STAU2: variants seen among roughly 807,000 people sequenced by gnomAD.
STAU2 encodes the protein staufen double-stranded RNA binding protein 2, also known as double-stranded RNA-binding protein Staufen homolog 2.
A neutral mutation model predicts 65.9 loss-of-function variants in STAU2; 20 were observed. That is an observed-to-expected ratio of 0.30 (90% confidence interval 0.21 to 0.44). The LOEUF (loss-of-function observed/expected upper bound fraction) is 0.44, where lower values mean the gene tolerates loss of function less well. STAU2 is among the 20% of genes least tolerant of loss of function. The pLI, the probability that STAU2 is intolerant of heterozygous loss-of-function variation, is 1.00. For synonymous variants in STAU2, 232 were observed against 233.9 expected, an observed-to-expected ratio of 0.99 and a Z score of 0.07; for missense variants, 558 against 683.9, an observed-to-expected ratio of 0.82 and a Z score of 2.05.
intron 10 of STAU2, among the ~76,000 whole-genome samples, chr8:73,597,708 C>G (rs1348487081): frequency 7.3e-6 from 1 of 137,210 alleles, no homozygotes; most frequent in Non-Finnish European, 1.6e-5. Context: ...ATACTGAGAG[C>G]AATTTCATGC....
chr8:73,697,465 AAAG>A (rs1398173478), intron 4 of STAU2: 3 of 152,242 alleles, frequency 2.0e-5, no homozygotes, highest in Non-Finnish European at 4.4e-5. Context: ...GATATTAATG[AAAG>A]AAGAAATCAT....
At chr8:73,697,090 G>A (rs1302336578) in intron 4 of STAU2, among the ~76,000 whole-genome samples, 2 of 152,088 alleles carry the variant, frequency 1.3e-5, no homozygotes, top group Non-Finnish European at 2.9e-5. Context: ...GTCTCACTCT[G>A]TCACCCAGGC....
intron 13 of STAU2, among the ~76,000 whole-genome samples, chr8:73,534,523 G>T (rs1427950893): frequency 1.3e-5 from 2 of 152,054 alleles, no homozygotes; most frequent in African/African-American, 4.8e-5. Context: ...TATAACTAAT[G>T]AATTAATGTA....
chr8:73,712,870 T>C (rs890845595), intron 3 of STAU2, among the ~76,000 whole-genome samples: 22 of 152,342 alleles, frequency 1.4e-4, no homozygotes, highest in African/African-American at 4.1e-4. Flanking sequence ...ATAGAAGGAT[T>C]GCTTGAGCCC....
intron 11 of STAU2, among the ~76,000 whole-genome samples, chr8:73,585,184 C>T (rs938295754): frequency 1.3e-5 from 2 of 152,158 alleles, no homozygotes; most frequent in African/African-American, 4.8e-5. Context: ...TATGTTACCT[C>T]AATACTATAC....
intron 13 of STAU2, among the ~76,000 whole-genome samples, chr8:73,542,749 T>C (rs936370406): frequency 2.0e-5 from 3 of 152,106 alleles, no homozygotes; most frequent in Non-Finnish European, 4.4e-5. Flanking sequence ...AAATACAAAC[T>C]AAGATATCAA....
chr8:73,478,973 T>G (rs908774707), intron 13 of STAU2, among the ~76,000 whole-genome samples: 11 of 152,118 alleles, frequency 7.2e-5, no homozygotes, highest in African/African-American at 2.7e-4. Flanking sequence ...TTTCTTTTAT[T>G]AAAAATGTAT....
intron 13 of STAU2, chr8:73,441,573 A>G (rs1313523510): frequency 6.6e-6 from 1 of 152,118 alleles, no homozygotes; most frequent in Non-Finnish European, 1.5e-5. Flanking sequence ...AGAATTGTAG[A>G]CCCTCCATAG....
chr8:73,644,967 T>G (rs1018131858), intron 6 of STAU2, among the ~76,000 whole-genome samples: 1 of 152,096 alleles, frequency 6.6e-6, no homozygotes, highest in African/African-American at 2.4e-5. Context: ...AAAGAAAATC[T>G]CCAGTTGTGG....
At chr8:73,742,169 C>T (rs1806931013) in intron 1 of STAU2, 1 of 980,578 alleles carries the variant, frequency 1.0e-6, no homozygotes, top group South Asian at 4.7e-5. Flanking sequence ...ATATTTTAAA[C>T]AATTTGCTAA....
chr8:73,739,644 T>C lies in STAU2; in HGVS notation c.-84+112A>G. 4.2e-6 allele frequency: 4 copies of C among 953,966 alleles called. No homozygotes were observed. In the South Asian group the frequency reaches 7.8e-5, roughly 19 times the overall value. The allele number at this position is 953,966 out of a possible 1,614,324, so 59.1% of individuals were successfully genotyped here. A position where few individuals can be genotyped will look rare whatever the true frequency, so the allele number is the denominator to read the frequency against. ...GTGTCCTCAGCATCTGCATCAATTTTTATTTATTTTCTAATTACTGTCACA... is the reference window on the plus strand; with the variant it reads ...GTGTCCTCAGCATCTGCATCAATTTCTATTTATTTTCTAATTACTGTCACA... On this transcript the variant is annotated intron_variant, in intron 2 of 14. Coordinates refer to ENST00000524300, the MANE Select transcript of STAU2 (RefSeq NM_001164380.2).
At chr8:73,482,356 T>C (rs1820678186) in intron 13 of STAU2, among the ~76,000 whole-genome samples, 2 of 151,918 alleles carry the variant, frequency 1.3e-5, no homozygotes, top group African/African-American at 4.8e-5. Context: ...AAAAAAACTG[T>C]CTTTTTTTTA....
intron 13 of STAU2, among the ~76,000 whole-genome samples, chr8:73,512,807 T>C (rs60575035): frequency 0.022 from 3,407 of 152,338 alleles, 122 homozygotes; most frequent in African/African-American, 0.076. Flanking sequence ...AAATCTGTTA[T>C]TGAGTTACTC....
chr8:73,608,289 A>G (rs1025153991), intron 9 of STAU2, among the ~76,000 whole-genome samples: 28 of 152,062 alleles, frequency 1.8e-4, no homozygotes, highest in African/African-American at 5.8e-4. Context: ...GAAGGGATGG[A>G]AAAAAAGGAA....
chr8:73,482,776 A>G (rs535106929), intron 13 of STAU2, among the ~76,000 whole-genome samples: 3 of 152,216 alleles, frequency 2.0e-5, no homozygotes, highest in South Asian at 4.1e-4. Flanking sequence ...TAGTTTGTTA[A>G]TTGATTGAAA....
intron 1 of STAU2, among the ~76,000 whole-genome samples, chr8:73,742,640 C>T (rs1256251090): frequency 6.6e-6 from 1 of 151,844 alleles, no homozygotes; most frequent in Non-Finnish European, 1.5e-5. Flanking sequence ...ATCCATGCGT[C>T]CCAAAAATGC....
chr8:73,740,872 A>G (rs1214082837), intron 1 of STAU2, among the ~76,000 whole-genome samples: 1 of 152,022 alleles, frequency 6.6e-6, no homozygotes, highest in Admixed American at 6.6e-5. Context: ...ATAGTAACAC[A>G]TGCCTGTAAT....
At chr8:73,595,805 T>C (rs966847298) in intron 10 of STAU2, among the ~76,000 whole-genome samples, 5 of 152,132 alleles carry the variant, frequency 3.3e-5, no homozygotes, top group Middle Eastern at 3.2e-3. Context: ...CAAGTGTTCC[T>C]ACAACATTAT....
At chr8:73,728,714 T>G (rs547860450) in intron 3 of STAU2, among the ~76,000 whole-genome samples, 1 of 152,344 alleles carries the variant, frequency 6.6e-6, no homozygotes, top group African/African-American at 2.4e-5. Context: ...TTAAAATTTC[T>G]TTTTGTATTG....
Sources: gnomAD v4.1 joint callset for allele counts (sites outside exome capture counted in the v4.1 genomes callset) on GRCh38, gnomAD v4.1.1 for gene constraint, MANE v1.5 for transcripts, NCBI Gene and HGNC (gene_info 2026-07-23, HGNC 2026-07-21) for gene names.